Variants in ANKH observed in about 807,000 individuals in gnomAD.
The protein encoded by ANKH is mineralization regulator ANKH.
In ANKH, 15 loss-of-function variants were observed where a neutral mutation model predicts 49.0. The observed-to-expected ratio is 0.31, with a 90% confidence interval of 0.20 to 0.47. ANKH has a LOEUF of 0.47. Among genes scored for constraint, ANKH ranks in the 20% least tolerant of loss-of-function variants. ANKH has a pLI of 1.00. For synonymous variants in ANKH, 273 were observed against 260.0 expected, an observed-to-expected ratio of 1.05 and a Z score of -0.48; for missense variants, 429 against 652.0, an observed-to-expected ratio of 0.66 and a Z score of 3.72.
intron 1 of ANKH, among the ~76,000 whole-genome samples, chr5:14,809,667 G>C (rs1310877015): frequency 6.6e-6 from 1 of 152,196 alleles, no homozygotes; most frequent in African/African-American, 2.4e-5. Flanking sequence ...CTTTCTGCAG[G>C]TATGAAATGT....
chr5:14,797,937 G>C, intron 1 of ANKH: 6 of 1,589,608 alleles, frequency 3.8e-6, no homozygotes, highest in Non-Finnish European at 5.2e-6. Flanking sequence ...AGGATGTTTT[G>C]TATAGTCAAA....
intron 1 of ANKH, among the ~76,000 whole-genome samples, chr5:14,778,265 G>T (rs1385120585): frequency 6.6e-6 from 1 of 152,144 alleles, no homozygotes; most frequent in Non-Finnish European, 1.5e-5. Context: ...GCTTTTTTGA[G>T]ATTCACACGC....
chr5:14,748,907 TTTTC>T (rs1716002364), intron 6 of ANKH, among the ~76,000 whole-genome samples: 1 of 152,244 alleles, frequency 6.6e-6, no homozygotes, highest in African/African-American at 2.4e-5. Flanking sequence ...GTCTTTAACC[TTTTC>T]TTTCTGTGCC....
At chr5:14,865,376 T>C (rs567977735) in intron 1 of ANKH, among the ~76,000 whole-genome samples, 1 of 152,324 alleles carries the variant, frequency 6.6e-6, no homozygotes, top group South Asian at 2.1e-4. Context: ...ATTTAAAAAA[T>C]ATTTACCAAA....
intron 1 of ANKH, among the ~76,000 whole-genome samples, chr5:14,830,162 T>A (rs957203829): frequency 1.3e-5 from 2 of 152,210 alleles, no homozygotes; most frequent in Non-Finnish European, 2.9e-5. Context: ...GCAAGAATTT[T>A]TATGTGAAGG....
intron 1 of ANKH, among the ~76,000 whole-genome samples, chr5:14,810,898 G>A (rs1740861187): frequency 6.6e-6 from 1 of 152,174 alleles, no homozygotes; most frequent in Non-Finnish European, 1.5e-5. Context: ...GGGTGGGATA[G>A]TGCATTCATA....
At chr5:14,716,012 G>T (rs1191719095) in intron 9 of ANKH, among the ~76,000 whole-genome samples, 1 of 151,694 alleles carries the variant, frequency 6.6e-6, no homozygotes, top group Non-Finnish European at 1.5e-5. Context: ...TTCTTTTTTT[G>T]ATTTCACTTT....
chr5:14,757,082 A>G (rs1427385355), intron 3 of ANKH, among the ~76,000 whole-genome samples: 1 of 152,128 alleles, frequency 6.6e-6, no homozygotes, highest in Non-Finnish European at 1.5e-5. Flanking sequence ...TAATTCTTCT[A>G]TGTGTGTAGA....
At chr5:14,772,108 T>C (rs1377337038) in intron 1 of ANKH, among the ~76,000 whole-genome samples, 4 of 152,096 alleles carry the variant, frequency 2.6e-5, no homozygotes, top group African/African-American at 9.7e-5. Context: ...AGTTATTCCT[T>C]GGTTTCAAGG....
intron 8 of ANKH, among the ~76,000 whole-genome samples, chr5:14,730,676 G>A (rs893162921): frequency 4.6e-5 from 7 of 152,204 alleles, no homozygotes; most frequent in African/African-American, 1.7e-4. Flanking sequence ...TGGAGGATGG[G>A]GCCGACGTGT....
At chr5:14,777,092 G>C (rs1237590626) in intron 1 of ANKH, among the ~76,000 whole-genome samples, 1 of 152,114 alleles carries the variant, frequency 6.6e-6, no homozygotes, top group Non-Finnish European at 1.5e-5. Flanking sequence ...GACCAGCCCG[G>C]CAAACATGGC....
At chr5:14,797,873 A>C in intron 1 of ANKH, 1 of 1,611,958 alleles carries the variant, frequency 6.2e-7, no homozygotes, top group Admixed American at 1.7e-5. Flanking sequence ...CTTCCTTCTG[A>C]TGTCCACGGA....
chr5:14,763,598 C>A (rs744165), intron 2 of ANKH, among the ~76,000 whole-genome samples: 51,853 of 152,060 alleles, frequency 0.34, 8,928 homozygotes, highest in East Asian at 0.4. Flanking sequence ...CAATGTAAGT[C>A]AAGTAATTGT....
chr5:14,776,131 T>G (rs1739614105), intron 1 of ANKH, among the ~76,000 whole-genome samples: 1 of 152,208 alleles, frequency 6.6e-6, no homozygotes, highest in African/African-American at 2.4e-5. Context: ...CGCATCCTCC[T>G]GGGCATGAGA....
At chr5:14,742,724 A>G (rs1337084792) in intron 7 of ANKH, among the ~76,000 whole-genome samples, 17 of 152,198 alleles carry the variant, frequency 1.1e-4, no homozygotes, top group Admixed American at 9.8e-4. Flanking sequence ...ATCACTCAGC[A>G]CAACATCTGC....
At chr5:14,743,776 A>G (rs932244208) in intron 7 of ANKH, among the ~76,000 whole-genome samples, 3 of 152,232 alleles carry the variant, frequency 2.0e-5, no homozygotes, top group Non-Finnish European at 4.4e-5. Flanking sequence ...GATTTGGAGT[A>G]ACTCGAAGTT....
intron 8 of ANKH, among the ~76,000 whole-genome samples, chr5:14,727,221 A>G (rs1429307105): frequency 1.3e-5 from 2 of 152,182 alleles, no homozygotes; most frequent in African/African-American, 4.8e-5. Context: ...GTAGAATTTG[A>G]TACCTTCCAT....
intron 1 of ANKH, among the ~76,000 whole-genome samples, chr5:14,779,993 T>C (rs905840482): frequency 6.6e-6 from 1 of 152,094 alleles, no homozygotes; most frequent in Non-Finnish European, 1.5e-5. Flanking sequence ...AGTCAAATCT[T>C]GTAACAGAAG....
At chr5:14,801,931 T>C (rs956125798) in intron 1 of ANKH, among the ~76,000 whole-genome samples, 11 of 152,194 alleles carry the variant, frequency 7.2e-5, no homozygotes, top group African/African-American at 2.7e-4. Context: ...TGTAGGAGTG[T>C]GTGTGCACTA....
Sources: allele counts gnomAD v4.1 joint callset (sites outside exome capture counted in the v4.1 genomes callset), GRCh38; gene constraint gnomAD v4.1.1; transcripts MANE v1.5; gene names NCBI Gene and HGNC (gene_info 2026-07-23, HGNC 2026-07-21).